Variants in KIF6 observed in about 807,000 individuals in gnomAD.
The protein encoded by KIF6 is kinesin family member 6, also known as kinesin-like protein KIF6.
A neutral mutation model predicts 112.7 loss-of-function variants in KIF6; 106 were observed. That is an observed-to-expected ratio of 0.94 (90% confidence interval 0.80 to 1.11). The LOEUF is 1.11. KIF6 is among the 50% of genes least tolerant of loss of function. The pLI is 0.00. For synonymous variants in KIF6, 339 were observed against 339.9 expected (o/e 1.00, Z 0.03); for missense variants, 929 against 964.0 (o/e 0.96, Z 0.48).
At chr6:39,516,152 T>C (rs1202668854) in intron 13 of KIF6, among the ~76,000 whole-genome samples, 1 of 152,144 alleles carries the variant, frequency 6.6e-6, no homozygotes, top group Non-Finnish European at 1.5e-5. Flanking sequence ...GTAAGAGATA[T>C]GCAACCTGTG....
At chr6:39,437,827 CAT>C (rs1399416894) in intron 13 of KIF6, among the ~76,000 whole-genome samples, 2 of 152,132 alleles carry the variant, frequency 1.3e-5, no homozygotes, top group Non-Finnish European at 2.9e-5. Context: ...ACATTTGTCA[CAT>C]GTTTGTGGTG....
intron 7 of KIF6, 23 bp from the exon 8 acceptor site, chr6:39,586,427 T>C (rs761095646): frequency 1.2e-6 from 2 of 1,607,236 alleles, no homozygotes; most frequent in Non-Finnish European, 1.7e-6. Flanking sequence ...AGAAAGATAA[T>C]GGGATTAATT....
chr6:39,425,390 T>C (rs1452980699), intron 14 of KIF6, among the ~76,000 whole-genome samples: 1 of 152,216 alleles, frequency 6.6e-6, no homozygotes, highest in East Asian at 1.9e-4. Context: ...TTGTACCTTG[T>C]ACCCTGGCTG....
At chr6:39,691,896 C>T (rs1486804928) in intron 3 of KIF6, 3 of 152,204 alleles carry the variant, frequency 2.0e-5, no homozygotes, top group Non-Finnish European at 4.4e-5. Context: ...ATTCTCACTT[C>T]TTACAGTCAC....
At chr6:39,568,552 T>C (rs1780449617) in intron 10 of KIF6, among the ~76,000 whole-genome samples, 1 of 145,522 alleles carries the variant, frequency 6.9e-6, no homozygotes, top group Non-Finnish European at 1.5e-5. Flanking sequence ...TTTTCTTTTC[T>C]TTTTTTTTTT....
intron 1 of KIF6, among the ~76,000 whole-genome samples, chr6:39,721,814 T>TG (rs1180790293): frequency 3.3e-5 from 5 of 151,534 alleles, no homozygotes; most frequent in Admixed American, 6.6e-5. Context: ...TAAAGGTTTT[T>TG]TTTTTTTTTT....
intron 13 of KIF6, among the ~76,000 whole-genome samples, chr6:39,534,349 A>G (rs960986495): frequency 7.2e-5 from 11 of 152,218 alleles, no homozygotes; most frequent in Non-Finnish European, 1.3e-4. Flanking sequence ...AGAATAACCA[A>G]TACAGAGAAG....
At chr6:39,533,505 C>T (rs1006981611) in intron 13 of KIF6, among the ~76,000 whole-genome samples, 2 of 152,140 alleles carry the variant, frequency 1.3e-5, no homozygotes, top group South Asian at 2.1e-4. Context: ...ACAAAGCAGC[C>T]GGGAAGCTTG....
chr6:39,480,102 T>C (rs750164097), intron 13 of KIF6, among the ~76,000 whole-genome samples: 138 of 152,302 alleles, frequency 9.1e-4, no homozygotes, highest in Non-Finnish European at 1.5e-3. Flanking sequence ...ATAGAAGTGG[T>C]GAGAGTGGGC....
At position 39,415,298 on chromosome 6, in the gene KIF6, A is replaced by G. The variant is rs59342808; in HGVS notation, c.1810+4650T>C. ...AATCGCCAATACAGAGATTTTTAAA[A>G]TGTAAAAAAAAAAAAAAAAAAAAAA... On this transcript the variant is annotated intron_variant, in intron 15 of 22. Transcript: ENST00000287152. Among the ~76,000 whole-genome samples, 1,123 of 127,826 alleles carry G rather than the reference A, an allele frequency of 8.8e-3. 15 individuals are homozygous for G. Among genetic ancestry groups the G allele is most frequent in the African/African-American group, 0.032 (1,065 of 33,376 alleles). 83.9% of individuals were successfully genotyped at this position (127,826 alleles called of 152,430 possible). A position where few individuals can be genotyped will look rare whatever the true frequency, so the allele number is the denominator to read the frequency against.
rs148497732 is a variant in KIF6, at chr6:39,704,580, C to T, written c.251+10112G>A. Among the ~76,000 whole-genome samples the T allele has an allele frequency of 5.3e-4, 80 of 151,690 alleles. 1 individual carries two copies. The East Asian group carries it at 6.0e-3, about 11-fold the overall frequency. ...TTGCAGTGAGCCAAGATCGTGCCAC[C>T]GCACTCCAGCCTGGGTGACAGAGAG... On this transcript the variant is annotated intron_variant, in intron 3 of 22. Coordinates refer to ENST00000287152, the MANE Select transcript of KIF6 (RefSeq NM_145027.6).
At chr6:39,624,347 G>C (rs867711535) in intron 5 of KIF6, among the ~76,000 whole-genome samples, 2 of 152,096 alleles carry the variant, frequency 1.3e-5, no homozygotes, top group African/African-American at 2.4e-5. Context: ...ACTCTCAAAA[G>C]GTTGTAATAA....
intron 10 of KIF6, among the ~76,000 whole-genome samples, chr6:39,567,899 G>A (rs1229412930): frequency 2.6e-5 from 4 of 152,182 alleles, no homozygotes; most frequent in East Asian, 1.9e-4. Context: ...GAGCCACTGA[G>A]CCTGGCCTGG....
intron 10 of KIF6, among the ~76,000 whole-genome samples, chr6:39,570,294 G>A (rs1780572778): frequency 6.6e-6 from 1 of 152,176 alleles, no homozygotes; most frequent in South Asian, 2.1e-4. Context: ...AGGATACAGT[G>A]GTAGAGACCA....
At chr6:39,346,568 T>C (rs959790590) in intron 19 of KIF6, 42 bp from the exon 20 acceptor site, 2 of 677,828 alleles carry the variant, frequency 3.0e-6, no homozygotes, top group African/African-American at 1.8e-5. Context: ...ACTCAGTCTA[T>C]AGTATTTTGT....
chr6:39,361,777 G>T (rs1191014475), intron 17 of KIF6, among the ~76,000 whole-genome samples: 1 of 151,828 alleles, frequency 6.6e-6, no homozygotes, highest in Non-Finnish European at 1.5e-5. Context: ...GGTGTGCGTC[G>T]GGGGGCAGGG....
At chr6:39,717,707 A>T (rs535470356) in intron 2 of KIF6, among the ~76,000 whole-genome samples, 1 of 152,294 alleles carries the variant, frequency 6.6e-6, no homozygotes, top group Admixed American at 6.5e-5. Context: ...CTAGCAATTA[A>T]AACAGCTCAC....
intron 19 of KIF6, among the ~76,000 whole-genome samples, chr6:39,357,026 A>G (rs954265877): frequency 6.6e-6 from 1 of 152,174 alleles, no homozygotes; most frequent in African/African-American, 2.4e-5. Context: ...TTGATTGTGA[A>G]ACCTCTTGTC....
chr6:39,337,172 C>CTTCTTTCTTTCTTTCTCT (rs1763015915), intron 22 of KIF6, among the ~76,000 whole-genome samples: 2 of 59,504 alleles, frequency 3.4e-5, no homozygotes, highest in Non-Finnish European at 5.9e-5. Context: ...TCTTTCCTTC[C>CTTCTTTCTTTCTTTCTCT]TTCTTTCTTT....
Sources: gnomAD v4.1 joint callset for allele counts (sites outside exome capture counted in the v4.1 genomes callset) on GRCh38, gnomAD v4.1.1 for gene constraint, MANE v1.5 for transcripts, NCBI Gene and HGNC (gene_info 2026-07-23, HGNC 2026-07-21) for gene names.